The following SND1 variants were observed in gnomAD, a reference collection of about 807,000 sequenced individuals.
The protein encoded by SND1 is staphylococcal nuclease domain-containing protein 1.
Under a neutral mutation model 121.7 loss-of-function variants are expected in SND1, and 38 were observed. That is an observed-to-expected ratio of 0.31 (90% confidence interval 0.24 to 0.41). The LOEUF (loss-of-function observed/expected upper bound fraction) is 0.41. SND1 is among the 10% of genes least tolerant of loss of function. The pLI is 1.00. For missense variants in SND1, 868 were observed against 1,184.6 expected, an observed-to-expected ratio of 0.73 and a Z score of 3.92; for synonymous variants, 401 against 447.4, an observed-to-expected ratio of 0.90 and a Z score of 1.31.
chr7:127,923,517 C>A (rs1369498100), intron 14 of SND1, among the ~76,000 whole-genome samples: 1 of 152,158 alleles, frequency 6.6e-6, no homozygotes, highest in Non-Finnish European at 1.5e-5. Flanking sequence ...CGAGGGCATT[C>A]TCAGAGTATC....
chr7:127,875,893 C>T (rs1799680150), intron 12 of SND1, among the ~76,000 whole-genome samples: 1 of 152,156 alleles, frequency 6.6e-6, no homozygotes, highest in South Asian at 2.1e-4. Flanking sequence ...GTTTCTACCT[C>T]CAGCCTGTGT....
intron 10 of SND1, among the ~76,000 whole-genome samples, chr7:127,782,571 T>C (rs1470027723): frequency 6.6e-6 from 1 of 152,196 alleles, no homozygotes; most frequent in African/African-American, 2.4e-5. Context: ...AATTGGCTAT[T>C]CTACAGAATA....
intron 13 of SND1, among the ~76,000 whole-genome samples, chr7:127,890,322 T>C (rs997719078): frequency 6.6e-6 from 1 of 152,166 alleles, no homozygotes; most frequent in South Asian, 2.1e-4. Context: ...TTTTTATGTC[T>C]TCTTTTGAGA....
chr7:127,847,812 A>C (rs1021278807), intron 12 of SND1, among the ~76,000 whole-genome samples: 2 of 152,244 alleles, frequency 1.3e-5, no homozygotes, highest in Non-Finnish European at 2.9e-5. Context: ...TGTGAGGTCA[A>C]CTGGCAAGGA....
chr7:127,941,892 T>G (rs1469262622), intron 15 of SND1, among the ~76,000 whole-genome samples: 16 of 142,846 alleles, frequency 1.1e-4, no homozygotes, highest in South Asian at 2.3e-4. Flanking sequence ...ATAGGGAGTT[T>G]TTTTTTTTTT....
intron 12 of SND1, among the ~76,000 whole-genome samples, chr7:127,866,057 T>C (rs1025728798): frequency 1.3e-5 from 2 of 152,150 alleles, no homozygotes; most frequent in East Asian, 3.9e-4. Flanking sequence ...ACCTGTGTAG[T>C]TTATTAAAAT....
intron 17 of SND1, among the ~76,000 whole-genome samples, chr7:128,080,913 G>T (rs1375465014): frequency 1.3e-5 from 2 of 151,820 alleles, no homozygotes; most frequent in Admixed American, 1.3e-4. Context: ...GGCTTCAGGG[G>T]CTCAGCCTGG....
chr7:127,710,124 G>GT (rs2116361137), intron 9 of SND1, among the ~76,000 whole-genome samples: 1 of 151,920 alleles, frequency 6.6e-6, no homozygotes, highest in South Asian at 2.1e-4. Context: ...TGGATTTTGC[G>GT]TTAATAAAAA....
intron 10 of SND1, among the ~76,000 whole-genome samples, chr7:127,789,143 C>G (rs1215589698): frequency 1.3e-5 from 2 of 152,230 alleles, no homozygotes; most frequent in East Asian, 3.8e-4. Context: ...ATCTACCCCT[C>G]CACCCTGCCC....
intron 16 of SND1, among the ~76,000 whole-genome samples, chr7:128,058,292 T>G (rs75725424): frequency 0.031 from 4,735 of 152,392 alleles, 89 homozygotes; most frequent in Non-Finnish European, 0.044. Flanking sequence ...CAACAGTTAT[T>G]GAGTTCTTAT....
At chr7:127,929,972 T>C (rs1800927713) in intron 15 of SND1, among the ~76,000 whole-genome samples, 1 of 152,250 alleles carries the variant, frequency 6.6e-6, no homozygotes, top group Non-Finnish European at 1.5e-5. Context: ...CAGAAGGCTA[T>C]GTATAAACTG....
chr7:127,880,254 CTGTTT>C (rs1303331268), intron 12 of SND1, among the ~76,000 whole-genome samples: 4 of 152,008 alleles, frequency 2.6e-5, no homozygotes, highest in African/African-American at 9.7e-5. Context: ...TATAATTGTT[CTGTTT>C]TATTAGTAGT....
chr7:128,063,469 T>G (rs1274596305), intron 16 of SND1, among the ~76,000 whole-genome samples: 1 of 152,180 alleles, frequency 6.6e-6, no homozygotes, highest in East Asian at 1.9e-4. Context: ...GATGGTCCTC[T>G]CACCTTCGAG....
At chr7:128,075,308 G>C (rs1031329616) in intron 17 of SND1, among the ~76,000 whole-genome samples, 1 of 152,200 alleles carries the variant, frequency 6.6e-6, no homozygotes, top group South Asian at 2.1e-4. Context: ...CTTATAGCCC[G>C]GCCCTGATAA....
intron 14 of SND1, among the ~76,000 whole-genome samples, chr7:127,908,590 G>A (rs1366681603): frequency 6.6e-6 from 1 of 152,142 alleles, no homozygotes; most frequent in African/African-American, 2.4e-5. Flanking sequence ...AGAGTGTGTA[G>A]AACCAGCTGA....
chr7:127,715,430 G>A (rs79250002), intron 9 of SND1, among the ~76,000 whole-genome samples: 2,590 of 152,204 alleles, frequency 0.017, 93 homozygotes, highest in African/African-American at 0.059. Context: ...GGTCATGAGC[G>A]TAGTACCCAA....
chr7:127,885,036 C>T (rs1274508877), intron 12 of SND1, among the ~76,000 whole-genome samples: 1 of 152,122 alleles, frequency 6.6e-6, no homozygotes, highest in Non-Finnish European at 1.5e-5. Context: ...TGGATGTTTG[C>T]ACCCAGGTTG....
chr7:127,761,431 C>G (rs1563003950), intron 10 of SND1, among the ~76,000 whole-genome samples: 1 of 151,140 alleles, frequency 6.6e-6, no homozygotes, highest in African/African-American at 2.4e-5. Flanking sequence ...GGGTATTTTA[C>G]CCCCTCAGTT....
intron 12 of SND1, chr7:127,858,597 A>C: frequency 3.0e-6 from 1 of 335,600 alleles, no homozygotes; most frequent in Non-Finnish European, 5.6e-6. Flanking sequence ...CCAGTTGCTA[A>C]TGGACTCTAG....
Sources: gnomAD v4.1 joint callset for allele counts (sites outside exome capture counted in the v4.1 genomes callset) on GRCh38, gnomAD v4.1.1 for gene constraint, MANE v1.5 for transcripts, NCBI Gene and HGNC (gene_info 2026-07-23, HGNC 2026-07-21) for gene names.